The following SREBF2 variants were observed in gnomAD, a reference collection of about 807,000 sequenced individuals.
The protein encoded by SREBF2 is sterol regulatory element binding transcription factor 2, also known as sterol regulatory element-binding protein 2.
Under a neutral mutation model 113.1 loss-of-function variants are expected in SREBF2, and 55 were observed. The ratio of observed to expected loss-of-function variants is 0.49; its 90% confidence interval spans 0.39 to 0.61. SREBF2 has a LOEUF of 0.61. Among genes scored for constraint, SREBF2 ranks in the 20% least tolerant of loss-of-function variants. SREBF2 has a pLI of 0.00. For synonymous variants in SREBF2, 593 were observed against 605.7 expected (o/e 0.98, Z 0.31); for missense variants, 1,349 against 1,487.4 (o/e 0.91, Z 1.53).
In SREBF2 at chr22:41,905,887, CAGAA is replaced by C; in HGVS notation, c.*229_*232del. The C allele has an allele frequency of 1.4e-6, 1 of 695,528 alleles. No homozygotes were observed. Among genetic ancestry groups the C allele is most frequent in the Non-Finnish European group, 2.6e-6 (1 of 382,680 alleles). 43.1% of individuals were successfully genotyped at this position (695,528 alleles called of 1,614,324 possible). A position where few individuals can be genotyped will look rare whatever the true frequency, so the allele number is the denominator to read the frequency against. ...GGGCGTGAGAGGATAGGTGGCAGGGCAGAAACTGGGCAGCCCTGACTTGATAGCA... is the reference window on the plus strand; with the variant it reads ...GGGCGTGAGAGGATAGGTGGCAGGGCACTGGGCAGCCCTGACTTGATAGCA... On this transcript the variant is annotated 3_prime_UTR_variant, in exon 19 of 19. Coordinates refer to ENST00000361204, the MANE Select transcript of SREBF2 (RefSeq NM_004599.4).
Position 41,833,238 on chromosome 22 carries a change from A to C in SREBF2, c.-33A>C, listed in dbSNP as rs1256524042. 6.7e-7 allele frequency: 1 copy of C among 1,502,870 alleles called. No homozygotes were observed. Among genetic ancestry groups the C allele is most frequent in the Non-Finnish European group, 8.9e-7 (1 of 1,124,622 alleles). 93.1% of individuals were successfully genotyped at this position (1,502,870 alleles called of 1,614,324 possible). On this transcript the variant is annotated 5_prime_UTR_variant, in exon 1 of 19. Coordinates refer to ENST00000361204, the MANE Select transcript of SREBF2 (RefSeq NM_004599.4). This position sits in a 1 kb window ranked among gnomAD's most constrained non-coding sequence, Gnocchi z 4.1. ...CCGCCCCCGCGTCTCCCTGAGCGGG[A>C]CGGCAGGGGGGGCTTCTGCGCTGAG...
chr22:41,903,882 C>G (rs1303350193), intron 17 of SREBF2, among the ~76,000 whole-genome samples: 1 of 152,194 alleles, frequency 6.6e-6, no homozygotes, highest in African/African-American at 2.4e-5. Context: ...ACTGTGGCCA[C>G]TGTGTGCAGC....
At chr22:41,885,038 A>T in intron 11 of SREBF2, 27 bp downstream of exon 11, 1 of 1,613,192 alleles carries the variant, frequency 6.2e-7, no homozygotes, top group Non-Finnish European at 8.5e-7. Context: ...TCCCTTCTGT[A>T]AACCTCCCCT....
At chr22:41,895,959 C>T (rs926220686) in intron 13 of SREBF2, among the ~76,000 whole-genome samples, 8 of 151,820 alleles carry the variant, frequency 5.3e-5, no homozygotes, top group Admixed American at 3.9e-4. Flanking sequence ...CTGGCTAACA[C>T]GGTGAAACCC....
intron 16 of SREBF2, chr22:41,901,016 C>T (rs371057132): frequency 1.5e-5 from 8 of 526,158 alleles, no homozygotes; most frequent in Non-Finnish European, 2.7e-5. Flanking sequence ...ATCACAGAGG[C>T]CTGCCTGGCC....
chr22:41,886,725 G>A (rs564621043), intron 11 of SREBF2, among the ~76,000 whole-genome samples: 1 of 152,120 alleles, frequency 6.6e-6, no homozygotes, highest in Non-Finnish European at 1.5e-5. Flanking sequence ...ACTTATCAAA[G>A]TACATGCTTA....
At chr22:41,898,616 T>C in intron 14 of SREBF2, 33 bp from the exon 15 acceptor site, 1 of 1,613,324 alleles carries the variant, frequency 6.2e-7, no homozygotes, top group Non-Finnish European at 8.5e-7. Context: ...TTTCTGTGGG[T>C]GCTGGAGTGC....
rs190471548 is a variant in SREBF2, at chr22:41,905,811, C to G, written c.*151C>G. ...CCACTCAGGCCAGTGCACCCCTGGG[C>G]AGAGCCCCTTAAAGCTGCTGTCACT... is the stretch of plus-strand genomic sequence containing the variant. On this transcript the variant is annotated 3_prime_UTR_variant, in exon 19 of 19. Transcript: ENST00000361204. 786 of 885,918 alleles carry G rather than the reference C, an allele frequency of 8.9e-4. 8 individuals are homozygous for G. The African/African-American group carries it at 0.011, about 13-fold the overall frequency. 54.9% of individuals were successfully genotyped at this position (885,918 alleles called of 1,614,324 possible).
At position 41,875,380 on chromosome 22, in the gene SREBF2, A is replaced by C. The variant is rs1385387771; in HGVS notation, c.1133A>C (p.Lys378Thr). 6.2e-7 allele frequency: 1 copy of C among 1,614,166 alleles called. No individual in the cohort carries two copies. The highest frequency in any genetic ancestry group is 2.2e-5 in the East Asian group (1 of 44,892). Residue 378 changes from lysine to threonine, a missense_variant, in exon 6 of 19, where the codon AAA (lysine) becomes ACA (threonine). This residue lies in a region of SREBF2 where 699 missense variants were observed against 843.3 expected (regional missense o/e 0.83). Coordinates refer to ENST00000361204, the MANE Select transcript of SREBF2 (RefSeq NM_004599.4). ...GVLRKAIDYI[K>T]YLQQVNHKLR... is the part of the protein sequence containing the mutation. ...CTGAGGAAGGCCATTGATTACATCA[A>C]ATACTTGCAGCAGGTCAATCATAAA... is the stretch of plus-strand genomic sequence containing the variant.
intron 1 of SREBF2, among the ~76,000 whole-genome samples, chr22:41,842,007 C>T (rs2076834603): frequency 6.6e-6 from 1 of 152,154 alleles, no homozygotes; most frequent in African/African-American, 2.4e-5. Flanking sequence ...GTGTATCTTC[C>T]AAAGAGGAGT....
chr22:41,892,258 A>G (rs1325561005), intron 11 of SREBF2, among the ~76,000 whole-genome samples: 1 of 152,210 alleles, frequency 6.6e-6, no homozygotes, highest in Non-Finnish European at 1.5e-5. Context: ...CCATGTGCCG[A>G]GCACTGTTCT....
chr22:41,879,049 A>G (rs2077222775), intron 9 of SREBF2, among the ~76,000 whole-genome samples: 1 of 152,164 alleles, frequency 6.6e-6, no homozygotes. Context: ...TTAAGTAAAG[A>G]CAAGGTCTCA....
Position 41,900,314 on chromosome 22 carries a change from C to T in SREBF2, c.2739-16C>T. ...CACATAGTGACCTGCCTCTCGACTC[C>T]CTGTCACTGCTGCAGGAGCCCCCTG... On this transcript the variant is annotated splice_polypyrimidine_tract_variant and intron_variant, in intron 15 of 18. Transcript: ENST00000361204. 1 of 1,611,256 alleles carries T rather than the reference C, an allele frequency of 6.2e-7. No homozygotes were observed. Among genetic ancestry groups the T allele is most frequent in the Non-Finnish European group, 8.5e-7 (1 of 1,180,004 alleles).
At chr22:41,852,948 C>T (rs2076945797) in intron 1 of SREBF2, among the ~76,000 whole-genome samples, 2 of 151,970 alleles carry the variant, frequency 1.3e-5, no homozygotes, top group Admixed American at 1.3e-4. Context: ...CGGGGTTTCA[C>T]CATGTTGGCC....
intron 1 of SREBF2, among the ~76,000 whole-genome samples, chr22:41,862,750 C>T (rs2077038232): frequency 6.6e-6 from 1 of 152,216 alleles, no homozygotes; most frequent in Non-Finnish European, 1.5e-5. Context: ...CCTGGAGAGG[C>T]TCTGCGTGCC....
At chr22:41,879,320 T>G (rs1602320941) in intron 9 of SREBF2, among the ~76,000 whole-genome samples, 1 of 151,976 alleles carries the variant, frequency 6.6e-6, no homozygotes, top group South Asian at 2.1e-4. Flanking sequence ...CAAGATGGAG[T>G]GGACTCCATC....
intron 1 of SREBF2, among the ~76,000 whole-genome samples, chr22:41,858,383 TA>T (rs1328375642): frequency 6.6e-6 from 1 of 152,222 alleles, no homozygotes; most frequent in Non-Finnish European, 1.5e-5. Context: ...CTATACAATG[TA>T]AAAATGGTGT....
intron 1 of SREBF2, among the ~76,000 whole-genome samples, chr22:41,839,392 G>A (rs2148338345): frequency 6.6e-6 from 1 of 152,236 alleles, no homozygotes; most frequent in Non-Finnish European, 1.5e-5. Flanking sequence ...TTAGGAAAGT[G>A]TTAGCTTTTC....
chr22:41,905,307 G>C, intron 18 of SREBF2, 133 bp from the exon 19 acceptor site: 1 of 903,534 alleles, frequency 1.1e-6, no homozygotes, highest in South Asian at 1.5e-5. Context: ...TCTTTTCCGT[G>C]GATTGGGTGG....
Sources: gnomAD v4.1 joint callset for allele counts (sites outside exome capture counted in the v4.1 genomes callset) on GRCh38, gnomAD v4.1.1 for gene constraint, gnomAD v4.1.1 regional missense constraint, Gnocchi (gnomAD v3.1) non-coding constraint, MANE v1.5 for transcripts, NCBI Gene and HGNC (gene_info 2026-07-23, HGNC 2026-07-21) for gene names.